MCF2L2: variants seen among roughly 807,000 people sequenced by gnomAD.
MCF2L2 encodes the protein MCF.2 cell line derived transforming sequence-like 2, also known as probable guanine nucleotide exchange factor MCF2L2.
In MCF2L2, 102 loss-of-function variants were observed where a neutral mutation model predicts 150.2. That is an observed-to-expected ratio of 0.68 (90% CI 0.58 to 0.80). The LOEUF is 0.80. Among genes scored for constraint, MCF2L2 ranks in the 30% least tolerant of loss-of-function variants. MCF2L2 has a pLI of 0.00. For synonymous variants in MCF2L2, 465 were observed against 491.3 expected, an observed-to-expected ratio of 0.95 and a Z score of 0.71; for missense variants, 1,256 against 1,372.8, an observed-to-expected ratio of 0.91 and a Z score of 1.34.
chr3:183,304,763 C>T (rs929308400), intron 10 of MCF2L2, among the ~76,000 whole-genome samples: 3 of 151,704 alleles, frequency 2.0e-5, no homozygotes, highest in Admixed American at 2.0e-4. Context: ...CGTGAGCCAC[C>T]GCGCCTGGTC....
At chr3:183,383,541 G>A (rs558521545) in intron 2 of MCF2L2, among the ~76,000 whole-genome samples, 2 of 152,000 alleles carry the variant, frequency 1.3e-5, no homozygotes, top group East Asian at 3.9e-4. Context: ...GCCCGGCCAA[G>A]AGGTTTTTTT....
At chr3:183,425,972 A>T (rs1419013385) in intron 1 of MCF2L2, among the ~76,000 whole-genome samples, 69 of 152,170 alleles carry the variant, frequency 4.5e-4, no homozygotes, top group Non-Finnish European at 2.9e-5. Context: ...AAAAACAAAA[A>T]AGATGATCCT....
At chr3:183,422,289 A>G (rs1460959722) in intron 1 of MCF2L2, among the ~76,000 whole-genome samples, 3 of 152,106 alleles carry the variant, frequency 2.0e-5, no homozygotes, top group African/African-American at 7.2e-5. Context: ...TTTAGACTTG[A>G]GCTTTCCCAC....
intron 25 of MCF2L2, 50 bp downstream of exon 25, chr3:183,205,826 A>G: frequency 7.1e-7 from 1 of 1,402,222 alleles, no homozygotes; most frequent in South Asian, 1.2e-5. Context: ...TCCCCCACTG[A>G]GCTGAAATCA....
rs576115018 is a variant in MCF2L2, at chr3:183,292,572, C to T, written c.1675+2728G>A. 4.6e-5 allele frequency among the ~76,000 whole-genome samples: 7 copies of T among 151,904 alleles called. No individual in the cohort carries two copies. In the South Asian group the frequency reaches 1.5e-3, roughly 32 times the overall value. On this transcript the variant is annotated intron_variant, in intron 13 of 29. Coordinates refer to ENST00000328913, the MANE Select transcript of MCF2L2 (RefSeq NM_015078.4). ...GGGGGTATGTACACACACACACACA[C>T]ACACACACACACACACATGCACACA...
At position 183,389,753 on chromosome 3, in the gene MCF2L2, G is replaced by A. The variant is rs758699205; in HGVS notation, c.103C>T (p.Pro35Ser). The A allele has an allele frequency of 4.3e-5, 69 of 1,613,992 alleles. No individual in the cohort carries two copies. The highest frequency in any genetic ancestry group is 5.4e-5 in the Non-Finnish European group (64 of 1,179,952). ...VDEIMQQEVR[P>S]LMAVEIIEQL... is the part of the protein sequence containing the mutation. ...TCTATTATCTCCACCGCCATCAGGG[G>A]TCTGACTTCCTGCTGCATAATTTCA... The change falls in exon 2 of 30, where the codon CCC becomes TCC. Residue 35 changes from proline to serine, a missense_variant. Pro to Ser is a moderately conservative substitution (Grantham distance 74). Coordinates refer to ENST00000328913, the MANE Select transcript of MCF2L2 (RefSeq NM_015078.4).
chr3:183,216,631 G>A (rs1370838440), intron 21 of MCF2L2, among the ~76,000 whole-genome samples: 5 of 111,392 alleles, frequency 4.5e-5, no homozygotes, highest in Non-Finnish European at 8.3e-5. Flanking sequence ...GCGAGAGAGA[G>A]TTTCACTCTG....
chr3:183,362,109 C>CT (rs545641743), intron 3 of MCF2L2, among the ~76,000 whole-genome samples: 46,895 of 146,354 alleles, frequency 0.32, 11,255 homozygotes, highest in African/African-American at 0.68. Context: ...GTCTCAAGAA[C>CT]TTTTTTTTTT....
rs931776007 is a variant in MCF2L2, at chr3:183,181,079, G to A, written c.3017-920C>T. Among the ~76,000 whole-genome samples the A allele has an allele frequency of 1.3e-5, 2 of 152,242 alleles. No homozygotes were observed. Among genetic ancestry groups the A allele is most frequent in the African/African-American group, 4.8e-5 (2 of 41,452 alleles). On this transcript the variant is annotated intron_variant, in intron 27 of 29. Transcript: ENST00000328913. The surrounding 1 kb of genome is among the most constrained non-coding windows in gnomAD (Gnocchi z 4.3). ...GTGCTAGGAAAGTGTCTGCTCAGGC[G>A]AGAATTCAGGGAGGTTTGGGCAGGA...
intron 15 of MCF2L2, among the ~76,000 whole-genome samples, chr3:183,261,169 G>A (rs926108558): frequency 3.9e-5 from 6 of 152,100 alleles, no homozygotes; most frequent in African/African-American, 9.7e-5. Context: ...TCTTAACACC[G>A]ATTATTGTAA....
intron 9 of MCF2L2, among the ~76,000 whole-genome samples, 191 bp from the exon 10 acceptor site, chr3:183,310,026 G>A (rs1007782068): frequency 6.6e-6 from 1 of 152,008 alleles, no homozygotes; most frequent in Admixed American, 6.6e-5. Flanking sequence ...GAATTCACCT[G>A]TAGCTGAACT....
chr3:183,273,776 AGT>A (rs1184613951), intron 15 of MCF2L2, among the ~76,000 whole-genome samples: 2 of 152,308 alleles, frequency 1.3e-5, no homozygotes, highest in African/African-American at 4.8e-5. Flanking sequence ...AATTGCCTGC[AGT>A]ATTCAGTACA....
At chr3:183,301,805 A>G (rs1008347823) in intron 10 of MCF2L2, among the ~76,000 whole-genome samples, 68 of 152,130 alleles carry the variant, frequency 4.5e-4, no homozygotes, top group Admixed American at 1.8e-3. Flanking sequence ...AAAAAAAAAA[A>G]AAAAGAGAAA....
chr3:183,182,039 C>T (rs1313462666), intron 27 of MCF2L2, among the ~76,000 whole-genome samples: 1 of 152,134 alleles, frequency 6.6e-6, no homozygotes, highest in Non-Finnish European at 1.5e-5. Context: ...GCGGGCCCTG[C>T]AGGGAAGCGG....
chr3:183,379,493 C>T, intron 2 of MCF2L2, 82 bp from the exon 3 acceptor site: 3 of 880,062 alleles, frequency 3.4e-6, no homozygotes, highest in South Asian at 3.0e-5. Context: ...GAAAGAATAT[C>T]GGTCACCTCT....
chr3:183,331,055 C>A (rs893203499), intron 5 of MCF2L2, among the ~76,000 whole-genome samples: 2 of 151,990 alleles, frequency 1.3e-5, no homozygotes, highest in African/African-American at 4.8e-5. Context: ...CGCAAAACAA[C>A]CAGTCTCAAA....
At chr3:183,402,591 A>T (rs1241961151) in intron 1 of MCF2L2, among the ~76,000 whole-genome samples, 3 of 151,828 alleles carry the variant, frequency 2.0e-5, no homozygotes, top group Non-Finnish European at 4.4e-5. Context: ...GCTTTAGCCC[A>T]GGAGTTCGAG....
Position 183,295,417 on chromosome 3 carries a change from G to T in MCF2L2, c.1558C>A (p.Gln520Lys). 6.2e-7 allele frequency: 1 copy of T among 1,614,070 alleles called. No homozygotes were observed. Among genetic ancestry groups the T allele is most frequent in the East Asian group, 2.2e-5 (1 of 44,880 alleles). ...DDVQEIFHKR[Q>K]VSLMKLAAKQ... ...GCTGCCAGTTTCATCAGACTCACTT[G>T]CCTCTTGTGAAATATTTCCTGGACA... The change falls in exon 13 of 30, where the codon CAA (glutamine) becomes AAA (lysine). Residue 520 changes from glutamine (Q) to lysine (K), a missense_variant. Physicochemically the swap from Gln to Lys is moderately conservative, Grantham distance 53 (BLOSUM62 1). Coordinates refer to ENST00000328913, the MANE Select transcript of MCF2L2 (RefSeq NM_015078.4).
intron 27 of MCF2L2, among the ~76,000 whole-genome samples, chr3:183,188,989 A>T (rs1421095048): frequency 6.6e-6 from 1 of 152,068 alleles, no homozygotes; most frequent in Non-Finnish European, 1.5e-5. Context: ...AGCAACGCTT[A>T]TGATTGATCA....
Sources: allele counts gnomAD v4.1 joint callset (sites outside exome capture counted in the v4.1 genomes callset), GRCh38; gene constraint gnomAD v4.1.1; non-coding constraint Gnocchi (gnomAD v3.1); transcripts MANE v1.5; gene names NCBI Gene and HGNC (gene_info 2026-07-23, HGNC 2026-07-21).